Variants in NAALADL2 observed in about 807,000 individuals in gnomAD.
NAALADL2 encodes the protein inactive N-acetylated-alpha-linked acidic dipeptidase-like protein 2.
A neutral mutation model predicts 87.2 loss-of-function variants in NAALADL2; 76 were observed. The ratio of observed to expected loss-of-function variants is 0.87; its 90% CI spans 0.72 to 1.05. The LOEUF is 1.05. Among genes scored for constraint, NAALADL2 ranks in the 50% least tolerant of loss-of-function variants. The probability of loss-of-function intolerance (pLI) is 0.00; values close to 1 mark genes in which losing one functional copy is unlikely to be tolerated. For synonymous variants in NAALADL2, 354 were observed against 331.0 expected, an observed-to-expected ratio of 1.07 and a Z score of -0.75; for missense variants, 1,089 against 945.8, an observed-to-expected ratio of 1.15 and a Z score of -1.99.
chr3:174,747,474 T>C (rs1309436289), intron 3 of NAALADL2, among the ~76,000 whole-genome samples: 2 of 151,694 alleles, frequency 1.3e-5, no homozygotes, highest in Non-Finnish European at 2.9e-5. Context: ...ATATAAAAGT[T>C]ATCCAGGCAT....
At chr3:174,752,123 G>A (rs1659301739) in intron 3 of NAALADL2, among the ~76,000 whole-genome samples, 1 of 151,760 alleles carries the variant, frequency 6.6e-6, no homozygotes, top group South Asian at 2.1e-4. Context: ...GACTATAGGC[G>A]CCCGCCACCA....
At chr3:174,683,384 T>C (rs1560141912) in intron 2 of NAALADL2, among the ~76,000 whole-genome samples, 1 of 152,138 alleles carries the variant, frequency 6.6e-6, no homozygotes, top group Non-Finnish European at 1.5e-5. Context: ...ATTGAAATTG[T>C]ACCACAGGTG....
At chr3:174,923,060 G>C (rs552367000) in intron 1 of NAALADL2, among the ~76,000 whole-genome samples, 1 of 152,144 alleles carries the variant, frequency 6.6e-6, no homozygotes, top group Non-Finnish European at 1.5e-5. Flanking sequence ...AAAGGAACAA[G>C]GCAAGGACTC....
intron 11 of NAALADL2, among the ~76,000 whole-genome samples, chr3:175,631,487 G>T (rs1727757272): frequency 6.7e-6 from 1 of 149,854 alleles, no homozygotes; most frequent in South Asian, 2.1e-4. Context: ...ATTTGTCTTG[G>T]CACTTGTCTT....
intron 3 of NAALADL2, chr3:175,235,620 T>C (rs1043624704): frequency 3.3e-5 from 5 of 152,356 alleles, no homozygotes; most frequent in South Asian, 4.1e-4. Context: ...TCTAAAACTC[T>C]TTACTCTGTC....
At chr3:174,587,706 C>CA (rs1300809114) in intron 2 of NAALADL2, among the ~76,000 whole-genome samples, 2 of 152,186 alleles carry the variant, frequency 1.3e-5, no homozygotes, top group Admixed American at 1.3e-4. Flanking sequence ...TATTGGCCCC[C>CA]ACTCTCTTCT....
At chr3:175,319,136 A>G (rs1160483870) in intron 4 of NAALADL2, among the ~76,000 whole-genome samples, 1 of 152,220 alleles carries the variant, frequency 6.6e-6, no homozygotes, top group African/African-American at 2.4e-5. Flanking sequence ...CAGCTCTCTC[A>G]TTCACACATT....
intron 2 of NAALADL2, among the ~76,000 whole-genome samples, chr3:175,218,444 T>G (rs1450026972): frequency 6.7e-6 from 1 of 148,698 alleles, no homozygotes; most frequent in Non-Finnish European, 1.5e-5. Flanking sequence ...AAAGGAGGTT[T>G]GTTTGTTTTT....
At chr3:175,207,471 A>G (rs533420660) in intron 2 of NAALADL2, among the ~76,000 whole-genome samples, 1 of 151,878 alleles carries the variant, frequency 6.6e-6, no homozygotes, top group East Asian at 1.9e-4. Context: ...TACAACAATG[A>G]CTTCCTACAT....
At chr3:174,964,482 A>G (rs954802817) in intron 1 of NAALADL2, among the ~76,000 whole-genome samples, 3 of 152,134 alleles carry the variant, frequency 2.0e-5, no homozygotes, top group Non-Finnish European at 2.9e-5. Flanking sequence ...TGGAGTTTGT[A>G]TAAATAAAAA....
chr3:175,141,129 G>A (rs1324444452), intron 2 of NAALADL2, among the ~76,000 whole-genome samples: 2 of 152,110 alleles, frequency 1.3e-5, no homozygotes, highest in Non-Finnish European at 2.9e-5. Flanking sequence ...CAAAGCTATG[G>A]AGAGTGTGTT....
At chr3:174,993,688 G>T (rs756888908) in intron 1 of NAALADL2, among the ~76,000 whole-genome samples, 2 of 151,934 alleles carry the variant, frequency 1.3e-5, no homozygotes, top group East Asian at 3.9e-4. Context: ...AGAAAAATGA[G>T]GAGTTAAAAA....
chr3:174,660,466 T>C (rs923681554), intron 2 of NAALADL2, among the ~76,000 whole-genome samples: 17 of 152,156 alleles, frequency 1.1e-4, no homozygotes, highest in African/African-American at 4.1e-4. Context: ...AGCTATAAAG[T>C]GATTTGTTCA....
chr3:175,579,704 A>T (rs1719462955), intron 10 of NAALADL2, among the ~76,000 whole-genome samples: 1 of 152,226 alleles, frequency 6.6e-6, no homozygotes, highest in Non-Finnish European at 1.5e-5. Context: ...CAGATTAAAT[A>T]CAATGCGGAG....
chr3:175,097,324 G>T (rs1469490924), intron 2 of NAALADL2, 33 bp downstream of exon 2: 1 of 1,570,312 alleles, frequency 6.4e-7, no homozygotes, highest in Admixed American at 1.8e-5. Flanking sequence ...TTGTTTGAAT[G>T]CATTTCTTGG....
At chr3:175,228,815 A>G (rs982448718) in intron 2 of NAALADL2, among the ~76,000 whole-genome samples, 1 of 151,952 alleles carries the variant, frequency 6.6e-6, no homozygotes, top group African/African-American at 2.4e-5. Context: ...TGTATATTAC[A>G]AATCAAAATC....
intron 1 of NAALADL2, among the ~76,000 whole-genome samples, chr3:175,009,830 C>G (rs191835668): frequency 7.2e-5 from 11 of 152,104 alleles, no homozygotes; most frequent in Admixed American, 7.2e-4. Context: ...ACATAAGCAG[C>G]ATTTCTTGAT....
intron 1 of NAALADL2, among the ~76,000 whole-genome samples, chr3:175,009,702 T>G (rs1487661253): frequency 2.0e-5 from 3 of 152,154 alleles, no homozygotes; most frequent in Non-Finnish European, 4.4e-5. Context: ...ATGAAGACAT[T>G]GGACCCTCAC....
chr3:175,205,734 TC>T (rs1306183637), intron 2 of NAALADL2, among the ~76,000 whole-genome samples: 2 of 150,096 alleles, frequency 1.3e-5, no homozygotes, highest in Admixed American at 1.3e-4. Context: ...TATAACAAAC[TC>T]AAAAAAATCA....
Sources: gnomAD v4.1 joint callset for allele counts (sites outside exome capture counted in the v4.1 genomes callset) on GRCh38, gnomAD v4.1.1 for gene constraint, MANE v1.5 for transcripts, NCBI Gene and HGNC (gene_info 2026-07-23, HGNC 2026-07-21) for gene names.